Variants in NCBP3 observed in about 807,000 individuals in gnomAD.
NCBP3 encodes nuclear cap binding subunit 3, also known as nuclear cap-binding protein subunit 3.
NCBP3 carries 20 observed loss-of-function variants against 75.7 expected under a neutral mutation model. The observed-to-expected ratio is 0.26, with a 90% confidence interval of 0.19 to 0.38. NCBP3 has a LOEUF of 0.38. Ranked by LOEUF, NCBP3 falls within the 10% of genes least tolerant of loss-of-function variation. NCBP3 has a pLI of 1.00. For missense variants in NCBP3, 678 were observed against 796.9 expected (o/e 0.85, Z 1.80); for synonymous variants, 293 against 290.5 (o/e 1.01, Z -0.09).
At chr17:3,834,332 G>GACA (rs1364219692) in intron 3 of NCBP3, among the ~76,000 whole-genome samples, 1 of 152,246 alleles carries the variant, frequency 6.6e-6, no homozygotes, top group Non-Finnish European at 1.5e-5. Context: ...GAAACACACA[G>GACA]ACTGTTGACA....
Position 3,825,042 on chromosome 17 carries a change from C to T in NCBP3, c.696G>A (p.Thr232=), listed in dbSNP as rs1009514349. ...DENSSDVELD[T]LSQVEEESLL... ...AAGACTCCTCTTCTACCTGAGACAA[C>T]GTATCCAACTTAAGAAAGAAGAGTA... The change falls in exon 7 of 13, where the codon ACG becomes ACA. Residue 232 remains threonine (T), a synonymous_variant. Coordinates refer to ENST00000389005, the MANE Select transcript of NCBP3 (RefSeq NM_001114118.3). 23 of 1,512,286 alleles carry T rather than the reference C, an allele frequency of 1.5e-5. No homozygotes were observed. The highest frequency in any genetic ancestry group is 1.3e-4 in the Admixed American group (6 of 47,642). 93.7% of individuals were successfully genotyped at this position (1,512,286 alleles called of 1,614,324 possible).
rs1012237986 is a variant in NCBP3, at chr17:3,809,826, T to C, written c.*3218A>G. On this transcript the variant is annotated 3_prime_UTR_variant, in exon 13 of 13. Transcript: ENST00000389005. ...GCATACCCATAAAATGGACTATTAT[T>C]TGGCAATTTTAAAAAATGAAATACT... 6.6e-6 allele frequency: 1 copy of C among 152,210 alleles called. No individual in the cohort carries two copies. The highest frequency in any genetic ancestry group is 2.4e-5 in the African/African-American group (1 of 41,448). The allele number at this position is 152,210 out of a possible 1,614,324, so 9.4% of individuals were successfully genotyped here.
intron 2 of NCBP3, among the ~76,000 whole-genome samples, chr17:3,842,604 C>T (rs2054085257): frequency 6.6e-6 from 1 of 152,200 alleles, no homozygotes; most frequent in Non-Finnish European, 1.5e-5. Context: ...CCTTTCATGG[C>T]TGTAAGAACA....
intron 4 of NCBP3, among the ~76,000 whole-genome samples, chr17:3,826,506 C>T (rs769969802): frequency 2.0e-5 from 3 of 152,008 alleles, no homozygotes; most frequent in African/African-American, 4.8e-5. Context: ...TGGCATGAGC[C>T]GGTAGTCCCA....
In NCBP3 at chr17:3,818,367, C is replaced by T; in HGVS notation, c.1206G>A (p.Met402Ile). ...SSASSSDSDEMDYDLELKMIS... is the reference protein window; with the variant it reads ...SSASSSDSDEIDYDLELKMIS... Reference sequence around the variant, plus strand: ...TCATTTTCAGTTCTAGATCATAGTCCATTTCATCTGAGTCTGAGCTGCTGG... The same window carrying T: ...TCATTTTCAGTTCTAGATCATAGTCTATTTCATCTGAGTCTGAGCTGCTGG... Residue 402 changes from methionine (M) to isoleucine (I), a missense_variant, in exon 10 of 13, where the codon ATG becomes ATA. Met to Ile is a conservative substitution (Grantham distance 10). Around this residue, in one of 7 missense-constraint regions of NCBP3, gnomAD observed 365 missense variants for 392.7 expected, o/e 0.93. Coordinates refer to ENST00000389005, the MANE Select transcript of NCBP3 (RefSeq NM_001114118.3). The surrounding 1 kb of genome is among the most constrained non-coding windows in gnomAD (Gnocchi z 4.7). 6.2e-7 allele frequency: 1 copy of T among 1,614,098 alleles called. No homozygotes were observed. The highest frequency in any genetic ancestry group is 8.5e-7 in the Non-Finnish European group (1 of 1,180,016).
intron 3 of NCBP3, among the ~76,000 whole-genome samples, chr17:3,834,832 C>A (rs202086755): frequency 3.4e-5 from 5 of 146,584 alleles, no homozygotes; most frequent in African/African-American, 2.5e-5. Context: ...GTGGATGAAA[C>A]AAAAAAAAAA....
At chr17:3,843,297 G>C (rs2054100007) in intron 1 of NCBP3, 146 bp from the exon 2 acceptor site, 3 of 660,622 alleles carry the variant, frequency 4.5e-6, no homozygotes, top group Non-Finnish European at 7.7e-6. Flanking sequence ...CCAGGCCGGA[G>C]TGCAGTAGAA....
chr17:3,823,649 C>T (rs1321975246), intron 7 of NCBP3: 1 of 152,116 alleles, frequency 6.6e-6, no homozygotes, highest in Non-Finnish European at 1.5e-5. Context: ...TCTCGAACTC[C>T]TGGGCTCAAG....
rs144462141 is a variant in NCBP3, at chr17:3,837,359, C to T, written c.355+2741G>A. On this transcript the variant is annotated intron_variant, in intron 3 of 12. Transcript: ENST00000389005. ...TAAAACTACAAAAATTAGCTGGGCA[C>T]GGTGGCAGGTGCCTGTAATCCTAGC... is the stretch of plus-strand genomic sequence containing the variant. Among the ~76,000 whole-genome samples, 40 of 150,718 alleles carry T rather than the reference C, an allele frequency of 2.7e-4. No individual in the cohort carries two copies. The East Asian group carries it at 7.1e-3, about 27-fold the overall frequency.
At position 3,806,589 on chromosome 17, in the gene NCBP3, A is replaced by T. The variant is rs1439659430; in HGVS notation, c.*6455T>A. The T allele has an allele frequency of 6.6e-6, 1 of 152,154 alleles. No homozygotes were observed. Among genetic ancestry groups the T allele is most frequent in the Non-Finnish European group, 1.5e-5 (1 of 68,020 alleles). The allele number at this position is 152,154 out of a possible 1,614,324, so 9.4% of individuals were successfully genotyped here. A position where few individuals can be genotyped will look rare whatever the true frequency, so the allele number is the denominator to read the frequency against. ...AGGTGAAATACCGCCTATACTCTCAAGTTTTATGGATAGTGCAGCCAAATT... is the reference window on the plus strand; with the variant it reads ...AGGTGAAATACCGCCTATACTCTCATGTTTTATGGATAGTGCAGCCAAATT... On this transcript the variant is annotated 3_prime_UTR_variant, in exon 13 of 13. Coordinates refer to ENST00000389005, the MANE Select transcript of NCBP3 (RefSeq NM_001114118.3).
At chr17:3,829,513 G>A (rs1250690026) in intron 3 of NCBP3, 145 bp from the exon 4 acceptor site, 33 of 909,186 alleles carry the variant, frequency 3.6e-5, no homozygotes, top group East Asian at 5.3e-5. Context: ...AAAAGAGCAC[G>A]AGACATAACA....
Position 3,812,713 on chromosome 17 carries a change from TA to T in NCBP3, c.*330del. The T allele has an allele frequency of 8.7e-7, 1 of 1,149,650 alleles. No homozygotes were observed. The highest frequency in any genetic ancestry group is 1.1e-6 in the Non-Finnish European group (1 of 926,972). The allele number at this position is 1,149,650 out of a possible 1,614,324, so 71.2% of individuals were successfully genotyped here. The stretch of plus-strand genomic sequence containing the variant: ...TTCTCTGCTCTTTGGATGAACTGTG[TA>T]AAACATTTCTTTTAAAAGACACAAT... On this transcript the variant is annotated 3_prime_UTR_variant, in exon 13 of 13. Transcript: ENST00000389005.
chr17:3,816,611 GCTGTAGTCAACACA>G (rs1597394271), intron 10 of NCBP3, among the ~76,000 whole-genome samples: 1 of 152,328 alleles, frequency 6.6e-6, no homozygotes, highest in East Asian at 1.9e-4. Context: ...CTGTGATGTG[GCTGTAGTCAACACA>G]CAGTATAGTC....
chr17:3,836,463 G>C (rs2053972894), intron 3 of NCBP3, among the ~76,000 whole-genome samples: 1 of 151,894 alleles, frequency 6.6e-6, no homozygotes, highest in South Asian at 2.1e-4. Flanking sequence ...GACCAGCCTG[G>C]CTAACATGGT....
rs538542701 is a variant in NCBP3, at chr17:3,832,590, G to C, written c.356-3222C>G. ...AGGTTGCAGTGAGCCGAGATCGCAC[G>C]ACTGCACTCCAGCCTGGGTGACAGA... On this transcript the variant is annotated intron_variant, in intron 3 of 12. Coordinates refer to ENST00000389005, the MANE Select transcript of NCBP3 (RefSeq NM_001114118.3). 3.5e-4 allele frequency among the ~76,000 whole-genome samples: 52 copies of C among 147,276 alleles called. 1 individual carries two copies. The highest frequency in any genetic ancestry group is 7.5e-4 in the Admixed American group (11 of 14,756).
chr17:3,825,162 T>A, intron 6 of NCBP3, 112 bp from the exon 7 acceptor site: 1 of 564,300 alleles, frequency 1.8e-6, no homozygotes, highest in Non-Finnish European at 3.0e-6. Context: ...ACAAGCATTA[T>A]AGCACTAGTT....
At chr17:3,840,345 A>C (rs1263738974) in intron 2 of NCBP3, 140 bp from the exon 3 acceptor site, 1 of 668,552 alleles carries the variant, frequency 1.5e-6, no homozygotes, top group Non-Finnish European at 2.6e-6. Context: ...AGTCTGGCAG[A>C]GACCTGGATA....
rs1347089628 is a variant in NCBP3 at position 3,805,536 on chromosome 17, C to T, written c.*7508G>A. On this transcript the variant is annotated 3_prime_UTR_variant, in exon 13 of 13. Transcript: ENST00000389005. ...GTGAATAAGACAGCAAGAGGGTGCT[C>T]ACCATGTTGGCATCCTCCGGCCTCA... 1.3e-5 allele frequency: 2 copies of T among 152,304 alleles called. No individual in the cohort carries two copies. The highest frequency in any genetic ancestry group is 2.1e-4 in the South Asian group (1 of 4,822). 9.4% of individuals were successfully genotyped at this position (152,304 alleles called of 1,614,324 possible).
In NCBP3 at chr17:3,804,229, A is replaced by G. The variant is rs1360923896; in HGVS notation, c.*8815T>C. On this transcript the variant is annotated 3_prime_UTR_variant, in exon 13 of 13. Transcript: ENST00000389005. Reference sequence around the variant, plus strand: ...GTTGCAAAATGTTCATGGATGGAGGAGACGTGCTCGGCGTGAGGTGAAAGG... The same window carrying G: ...GTTGCAAAATGTTCATGGATGGAGGGGACGTGCTCGGCGTGAGGTGAAAGG... 6 of 152,044 alleles carry G rather than the reference A, an allele frequency of 3.9e-5. No homozygotes were observed. The highest frequency in any genetic ancestry group is 1.4e-4 in the African/African-American group (6 of 41,470). 9.4% of individuals were successfully genotyped at this position (152,044 alleles called of 1,614,324 possible).
Sources: allele counts gnomAD v4.1 joint callset (sites outside exome capture counted in the v4.1 genomes callset), GRCh38; gene constraint gnomAD v4.1.1; regional missense constraint gnomAD v4.1.1; non-coding constraint Gnocchi (gnomAD v3.1); transcripts MANE v1.5; gene names NCBI Gene and HGNC (gene_info 2026-07-23, HGNC 2026-07-21).